The following TADA3 variants were observed in gnomAD, a reference collection of about 807,000 sequenced individuals.
The protein encoded by TADA3 is transcriptional adapter 3.
A neutral mutation model predicts 43.2 loss-of-function variants in TADA3; 25 were observed. That is an observed-to-expected ratio of 0.58 (90% CI 0.42 to 0.81). The LOEUF (loss-of-function observed/expected upper bound fraction) is 0.81, where lower values mean the gene tolerates loss of function less well. Among genes scored for constraint, TADA3 ranks in the 30% least tolerant of loss-of-function variants. The probability of loss-of-function intolerance (pLI) is 0.00; values close to 1 mark genes in which losing one functional copy is unlikely to be tolerated. For synonymous variants in TADA3, 235 were observed against 225.5 expected, an observed-to-expected ratio of 1.04 and a Z score of -0.38; for missense variants, 441 against 567.8, an observed-to-expected ratio of 0.78 and a Z score of 2.27.
chr3:9,792,767 T>G (rs767785211), upstream of TADA3: 1 of 1,247,166 alleles, frequency 8.0e-7, no homozygotes, highest in Non-Finnish European at 1.0e-6. Context: ...GCTCGTCCGC[T>G]TCGGCTTGTC....
Position 9,787,315 on chromosome 3 carries a change from G to T in TADA3, c.590C>A (p.Ser197Tyr). 6.2e-7 allele frequency: 1 copy of T among 1,613,454 alleles called. No homozygotes were observed. The highest frequency in any genetic ancestry group is 8.5e-7 in the Non-Finnish European group (1 of 1,179,692). ...YKIPPLGKHY[S>Y]QRWAQEDLLE... The stretch of plus-strand genomic sequence containing the variant: ...CAGGTCCTCCTGGGCCCAGCGCTGG[G>T]AGTAGTGCTTCCCCAGGGGTGGGAT... Residue 197 changes from serine to tyrosine, a missense_variant, in exon 5 of 9, where the codon TCC (serine) becomes TAC (tyrosine). Transcript: ENST00000301964.
chr3:9,780,670 G>T, intron 8 of TADA3, 121 bp from the exon 9 acceptor site: 1 of 1,027,644 alleles, frequency 9.7e-7, no homozygotes, highest in Non-Finnish European at 1.4e-6. Context: ...GTGTCATACA[G>T]TCGTGACCAA....
At chr3:9,787,794 GGA>G (rs1484426796) in intron 4 of TADA3, 34 of 1,055,804 alleles carry the variant, frequency 3.2e-5, no homozygotes, top group Non-Finnish European at 7.7e-6. Context: ...GCAGCACAAA[GGA>G]GAGACTGACT....
intron 4 of TADA3, among the ~76,000 whole-genome samples, chr3:9,788,540 C>T (rs1330257105): frequency 1.3e-5 from 2 of 148,834 alleles, no homozygotes; most frequent in South Asian, 2.1e-4. Context: ...CCACCGCACC[C>T]GGCTTTTTTT....
intron 8 of TADA3, chr3:9,783,764 C>G (rs1321759465): frequency 6.6e-6 from 3 of 453,796 alleles, no homozygotes; most frequent in Non-Finnish European, 7.3e-6. Context: ...GGTGACAGTG[C>G]GAGACTCCCT....
chr3:9,789,833 C>A lies in TADA3; in HGVS notation c.338G>T (p.Gly113Val), dbSNP rs2078695169. Residue 113 changes from glycine (G) to valine (V), a missense_variant, in exon 3 of 9, where the codon GGG (glycine) becomes GTG (valine). Physicochemically the swap from Gly to Val is moderately radical, Grantham distance 109 (BLOSUM62 -3). Transcript: ENST00000301964. ...KQKLEGKAGH[G>V]PGPGPGRPKS... ...GGGCCGTCCTGGGCCAGGGCCCGGC[C>A]CATGTCCTGCCTTCCCTTCCAGTTT... is the stretch of plus-strand genomic sequence containing the variant. 1 of 1,614,262 alleles carries A rather than the reference C, an allele frequency of 6.2e-7. No individual in the cohort carries two copies. The highest frequency in any genetic ancestry group is 8.5e-7 in the Non-Finnish European group (1 of 1,180,048).
chr3:9,792,878 A>T (rs202011720), upstream of TADA3: 1 of 1,385,790 alleles, frequency 7.2e-7, no homozygotes, highest in African/African-American at 1.5e-5. Flanking sequence ...GGGAAGCTGC[A>T]CCCATTCCTG....
chr3:9,791,829 G>T (rs1211032210), intron 1 of TADA3, among the ~76,000 whole-genome samples: 1 of 142,784 alleles, frequency 7.0e-6, no homozygotes, highest in Non-Finnish European at 1.5e-5. Flanking sequence ...TCTGCACCCT[G>T]ATCACCATGC....
At chr3:9,790,101 T>C in intron 2 of TADA3, 138 bp from the exon 3 acceptor site, 1 of 1,104,142 alleles carries the variant, frequency 9.1e-7, no homozygotes, top group Non-Finnish European at 1.2e-6. Context: ...TAGTAAACTC[T>C]TACTCATCCT....
intron 4 of TADA3, 157 bp from the exon 5 acceptor site, chr3:9,787,497 C>CGAAAAAAAAACTT: frequency 8.8e-7 from 1 of 1,130,298 alleles, no homozygotes; most frequent in African/African-American, 1.6e-5. Flanking sequence ...GAAGATAAAA[C>CGAAAAAAAAACTT]CTGTACTTCA....
chr3:9,791,358 C>T lies in TADA3; in HGVS notation c.109G>A (p.Gly37Ser), dbSNP rs779410498. The change falls in exon 2 of 9, where the codon GGC becomes AGC. Residue 37 changes from glycine (G) to serine (S), a missense_variant. Coordinates refer to ENST00000301964, the MANE Select transcript of TADA3 (RefSeq NM_006354.5). ...GTGTCCAGCTCCTCGATGCCGATGC[C>T]ATCATCCTCAGAGCGTGCCAGCACT... Reference protein sequence around the residue: ...TAVLARSEDDGIGIEELDTLQ... With the variant: ...TAVLARSEDDSIGIEELDTLQ... 4.3e-6 allele frequency: 7 copies of T among 1,614,104 alleles called. No homozygotes were observed. Among genetic ancestry groups the T allele is most frequent in the Non-Finnish European group, 5.9e-6 (7 of 1,180,042 alleles).
chr3:9,791,112 TTG>T (rs1016377297), intron 2 of TADA3, 146 bp downstream of exon 2: 1 of 677,544 alleles, frequency 1.5e-6, no homozygotes, highest in Non-Finnish European at 2.5e-6. Context: ...TGTGTATTTT[TTG>T]TGTCATGCAA....
rs1436425552 is a variant in TADA3 at position 9,789,843 on chromosome 3, C to T, written c.328G>A (p.Ala110Thr). 6.2e-7 allele frequency: 1 copy of T among 1,614,256 alleles called. No individual in the cohort carries two copies. The highest frequency in any genetic ancestry group is 2.2e-5 in the East Asian group (1 of 44,894). The change falls in exon 3 of 9, where the codon GCA becomes ACA. Residue 110 changes from alanine to threonine, a missense_variant. Physicochemically the swap from Ala to Thr is moderately conservative, Grantham distance 58. Coordinates refer to ENST00000301964, the MANE Select transcript of TADA3 (RefSeq NM_006354.5). ...GGGCCAGGGCCCGGCCCATGTCCTGCCTTCCCTTCCAGTTTCTGCTTCTTG... is the reference window on the plus strand; with the variant it reads ...GGGCCAGGGCCCGGCCCATGTCCTGTCTTCCCTTCCAGTTTCTGCTTCTTG... ...KPKKQKLEGK[A>T]GHGPGPGPGR...
intron 8 of TADA3, among the ~76,000 whole-genome samples, chr3:9,782,658 G>C (rs1234514717): frequency 1.3e-5 from 2 of 152,194 alleles, no homozygotes; most frequent in African/African-American, 4.8e-5. Flanking sequence ...TGGCATGGTA[G>C]TGCATGCCTG....
At chr3:9,784,268 C>T (rs2078552305) in intron 7 of TADA3, 55 bp from the exon 8 acceptor site, 4 of 1,563,366 alleles carry the variant, frequency 2.6e-6, no homozygotes, top group African/African-American at 2.7e-5. Flanking sequence ...GAAGGGCCCA[C>T]CTTGGAGGTT....
At chr3:9,783,864 G>T in intron 8 of TADA3, 164 bp downstream of exon 8, 3 of 1,250,656 alleles carry the variant, frequency 2.4e-6, no homozygotes, top group Non-Finnish European at 2.1e-6. Context: ...ATTTGTTTGG[G>T]ACATACCCGG....
chr3:9,784,334 G>C, intron 7 of TADA3, 121 bp from the exon 8 acceptor site: 1 of 1,309,882 alleles, frequency 7.6e-7, no homozygotes, highest in Non-Finnish European at 1.0e-6. Flanking sequence ...CACCCCCTCT[G>C]TATCTATCCA....
intron 4 of TADA3, chr3:9,787,891 G>A (rs2078653452): frequency 2.6e-6 from 1 of 391,278 alleles, no homozygotes; most frequent in African/African-American, 2.1e-5. Flanking sequence ...AGTCTGTCAA[G>A]GAGACAAGAG....
upstream of TADA3, chr3:9,792,729 G>A (rs527257995): frequency 1.1e-5 from 14 of 1,236,800 alleles, 1 homozygote; most frequent in East Asian, 3.2e-5. Flanking sequence ...GAGAAAGGAT[G>A]GGGGTACAGA....
Sources: gnomAD v4.1 joint callset for allele counts (sites outside exome capture counted in the v4.1 genomes callset) on GRCh38, gnomAD v4.1.1 for gene constraint, MANE v1.5 for transcripts, NCBI Gene and HGNC (gene_info 2026-07-23, HGNC 2026-07-21) for gene names.